The following MRTFA variants were observed in gnomAD, a reference collection of about 807,000 sequenced individuals.
MRTFA encodes myocardin related transcription factor A, also known as myocardin-related transcription factor A.
In MRTFA, 20 loss-of-function variants were observed where a neutral mutation model predicts 83.5. The observed-to-expected ratio is 0.24, with a 90% CI of 0.17 to 0.35. The LOEUF is 0.35. MRTFA is among the 10% of genes least tolerant of loss of function. The pLI is 1.00. For synonymous variants in MRTFA, 659 were observed against 541.2 expected (o/e 1.22, Z -3.02); for missense variants, 1,200 against 1,224.7 (o/e 0.98, Z 0.30).
intron 14 of MRTFA, among the ~76,000 whole-genome samples, chr22:40,414,114 A>C (rs1159065839): frequency 6.6e-6 from 1 of 152,152 alleles, no homozygotes; most frequent in Admixed American, 6.5e-5. Flanking sequence ...CGAGGCGGGC[A>C]GACTGCCTGA....
intron 4 of MRTFA, among the ~76,000 whole-genome samples, chr22:40,444,179 A>G (rs1346648887): frequency 6.6e-6 from 1 of 152,236 alleles, no homozygotes; most frequent in Non-Finnish European, 1.5e-5. Context: ...TTACAAACAT[A>G]TTACAGCAGA....
chr22:40,460,901 A>G (rs996446274), intron 4 of MRTFA, among the ~76,000 whole-genome samples: 1 of 152,132 alleles, frequency 6.6e-6, no homozygotes, highest in African/African-American at 2.4e-5. Flanking sequence ...GATGTTTAGG[A>G]TAGAAATAGA....
chr22:40,580,049 C>T (rs2055924014), intron 2 of MRTFA, among the ~76,000 whole-genome samples: 1 of 152,160 alleles, frequency 6.6e-6, no homozygotes, highest in South Asian at 2.1e-4. Context: ...ATAATAAAAA[C>T]ACAACATATG....
intron 1 of MRTFA, among the ~76,000 whole-genome samples, chr22:40,636,024 G>C (rs1009521499): frequency 6.6e-6 from 1 of 152,194 alleles, no homozygotes; most frequent in African/African-American, 2.4e-5. Flanking sequence ...CAGCATTCAG[G>C]TTTGCTATAC....
intron 3 of MRTFA, among the ~76,000 whole-genome samples, chr22:40,502,772 G>A (rs911243511): frequency 1.4e-4 from 21 of 152,060 alleles, no homozygotes; most frequent in Non-Finnish European, 2.8e-4. Flanking sequence ...GGCGGCGCTC[G>A]CCGGCGCGGC....
intron 1 of MRTFA, among the ~76,000 whole-genome samples, chr22:40,598,018 G>A (rs1359269316): frequency 6.6e-6 from 1 of 152,118 alleles, no homozygotes; most frequent in Non-Finnish European, 1.5e-5. Flanking sequence ...GAATTTAGGA[G>A]AGAATGACTA....
intron 3 of MRTFA, among the ~76,000 whole-genome samples, chr22:40,480,191 G>A (rs1416343938): frequency 6.6e-6 from 1 of 152,134 alleles, no homozygotes; most frequent in African/African-American, 2.4e-5. Flanking sequence ...GCAGAAATTG[G>A]AACCCAGCTC....
rs530500821 is a variant in MRTFA, at chr22:40,534,786, G to C, written c.241+17320C>G. Among the ~76,000 whole-genome samples the C allele has an allele frequency of 1.3e-3, 191 of 152,324 alleles. 1 individual carries two copies. The highest frequency in any genetic ancestry group is 0.01 in the Middle Eastern group (3 of 294). ...AATCCATGTTTGGTGTGTTTATCTA[G>C]AATTCTTCAATCTTTCTCGTTAACT... On this transcript the variant is annotated intron_variant, in intron 3 of 14. Coordinates refer to ENST00000355630, the MANE Select transcript of MRTFA (RefSeq NM_020831.6).
At chr22:40,415,179 C>G (rs1290418474) in intron 14 of MRTFA, 1 of 152,348 alleles carries the variant, frequency 6.6e-6, no homozygotes, top group African/African-American at 2.4e-5. Flanking sequence ...TTCCCTTTTC[C>G]TTCTTGAACA....
intron 3 of MRTFA, among the ~76,000 whole-genome samples, chr22:40,480,743 CTT>C (rs758150714): frequency 1.1e-5 from 1 of 93,540 alleles, no homozygotes; most frequent in Non-Finnish European, 2.0e-5. Flanking sequence ...GAGTTCAAGA[CTT>C]TTTTTTTTTT....
chr22:40,506,947 A>T (rs1456681418), intron 3 of MRTFA, among the ~76,000 whole-genome samples: 1 of 152,240 alleles, frequency 6.6e-6, no homozygotes, highest in Non-Finnish European at 1.5e-5. Context: ...ATGACCACAT[A>T]TAAGAAATGC....
intron 1 of MRTFA, among the ~76,000 whole-genome samples, chr22:40,597,166 G>C (rs1421451822): frequency 6.6e-6 from 1 of 152,158 alleles, no homozygotes; most frequent in Non-Finnish European, 1.5e-5. Context: ...ACCTAGCAGT[G>C]CCTGGCAAGT....
At chr22:40,577,523 A>G (rs1178247306) in intron 2 of MRTFA, among the ~76,000 whole-genome samples, 4 of 152,042 alleles carry the variant, frequency 2.6e-5, no homozygotes, top group Admixed American at 2.6e-4. Flanking sequence ...TCTCTGGGGC[A>G]CTACCCATCT....
At chr22:40,506,300 T>C (rs1363521401) in intron 3 of MRTFA, among the ~76,000 whole-genome samples, 1 of 152,158 alleles carries the variant, frequency 6.6e-6, no homozygotes, top group Non-Finnish European at 1.5e-5. Context: ...ATATAGTATA[T>C]AAAATATAAT....
At chr22:40,550,419 C>T (rs2055426900) in intron 3 of MRTFA, among the ~76,000 whole-genome samples, 1 of 152,012 alleles carries the variant, frequency 6.6e-6, no homozygotes, top group Non-Finnish European at 1.5e-5. Flanking sequence ...GTAGTACTGA[C>T]ACAGAGATGG....
intron 3 of MRTFA, among the ~76,000 whole-genome samples, chr22:40,502,764 C>G (rs1034607316): frequency 6.6e-6 from 1 of 152,052 alleles, no homozygotes; most frequent in African/African-American, 2.4e-5. Context: ...GCCTCCCGGG[C>G]GGCGCTCGCC....
At chr22:40,430,491 A>T (rs1337422194) in intron 6 of MRTFA, among the ~76,000 whole-genome samples, 1 of 152,140 alleles carries the variant, frequency 6.6e-6, no homozygotes, top group Non-Finnish European at 1.5e-5. Context: ...CATCTCAAAA[A>T]AAAAAGACTA....
chr22:40,603,896 A>T (rs1032170960), intron 1 of MRTFA, among the ~76,000 whole-genome samples: 4 of 151,908 alleles, frequency 2.6e-5, no homozygotes, highest in African/African-American at 9.7e-5. Context: ...TATAGGCATA[A>T]GCCACGGCAC....
chr22:40,490,095 AAC>A (rs2054247237), intron 3 of MRTFA, among the ~76,000 whole-genome samples: 1 of 151,714 alleles, frequency 6.6e-6, no homozygotes, highest in Non-Finnish European at 1.5e-5. Flanking sequence ...TTTTGCATGT[AAC>A]ACAGATATTT....
Sources: gnomAD v4.1 joint callset for allele counts (sites outside exome capture counted in the v4.1 genomes callset) on GRCh38, gnomAD v4.1.1 for gene constraint, MANE v1.5 for transcripts, NCBI Gene and HGNC (gene_info 2026-07-23, HGNC 2026-07-21) for gene names.